The following HMGB1 variants were observed in gnomAD, a reference collection of about 807,000 sequenced individuals.
HMGB1 encodes the protein high mobility group protein B1.
For missense variants in HMGB1, 79 were observed against 253.5 expected (o/e 0.31, Z 4.67); for synonymous variants, 81 against 84.0 (o/e 0.96, Z 0.19).
At chr13:30,513,555 A>G (rs1888037998) in intron 1 of HMGB1, among the ~76,000 whole-genome samples, 1 of 152,254 alleles carries the variant, frequency 6.6e-6, no homozygotes, top group South Asian at 2.1e-4. Context: ...ATTCCAGAGC[A>G]CTGAGATTCC....
At chr13:30,616,282 TTTC>T (rs1950561331) in intron 1 of HMGB1, among the ~76,000 whole-genome samples, 1 of 152,224 alleles carries the variant, frequency 6.6e-6, no homozygotes, top group Non-Finnish European at 1.5e-5. Flanking sequence ...GTTACTAATT[TTTC>T]TTCTGAAAAA....
intron 1 of HMGB1, among the ~76,000 whole-genome samples, chr13:30,530,569 T>C (rs748879579): frequency 1.3e-4 from 20 of 152,118 alleles, no homozygotes; most frequent in Non-Finnish European, 2.5e-4. Context: ...TGCAAATATA[T>C]AGGTAAAAGT....
intron 1 of HMGB1, among the ~76,000 whole-genome samples, chr13:30,497,918 C>T (rs1044641912): frequency 1.3e-5 from 2 of 152,044 alleles, no homozygotes; most frequent in African/African-American, 2.4e-5. Context: ...AATGAACATA[C>T]GCATGTGTGT....
At chr13:30,554,400 T>C in intron 1 of HMGB1, 1 of 826,186 alleles carries the variant, frequency 1.2e-6, no homozygotes, top group Non-Finnish European at 2.1e-6. Flanking sequence ...TATATTAACA[T>C]TAAACAAGTG....
At chr13:30,493,064 T>A (rs900899714) in intron 1 of HMGB1, among the ~76,000 whole-genome samples, 2 of 150,086 alleles carry the variant, frequency 1.3e-5, no homozygotes, top group African/African-American at 2.4e-5. Flanking sequence ...TGCCTCTGGG[T>A]ACTCAGCCAG....
intron 1 of HMGB1, among the ~76,000 whole-genome samples, chr13:30,476,991 A>C (rs552247700): frequency 1.3e-5 from 2 of 152,334 alleles, no homozygotes; most frequent in African/African-American, 4.8e-5. Context: ...CCAAGGTCAC[A>C]CAGCTAGTTA....
rs1398970833 is a variant in HMGB1, at chr13:30,578,442, G to A, written c.-15+38229C>T. On this transcript the variant is annotated intron_variant, in intron 1 of 4. Coordinates refer to the HMGB1 transcript ENST00000405805. Reference sequence around the variant, plus strand: ...TGCTATATGGTAAATGTCAGTAAATGTTCCACAAACTGAATGGAATTGAGC... The same window carrying A: ...TGCTATATGGTAAATGTCAGTAAATATTCCACAAACTGAATGGAATTGAGC... 1.6e-4 allele frequency among the ~76,000 whole-genome samples: 18 copies of A among 114,424 alleles called. No homozygotes were observed. In the Admixed American group the frequency reaches 2.3e-3, roughly 14 times the overall value. 75.1% of individuals were successfully genotyped at this position (114,424 alleles called of 152,430 possible). A position where few individuals can be genotyped will look rare whatever the true frequency, so the allele number is the denominator to read the frequency against.
chr13:30,468,886 T>TTTGTTG (rs1036446347), upstream of HMGB1, among the ~76,000 whole-genome samples: 1 of 152,116 alleles, frequency 6.6e-6, no homozygotes, highest in Non-Finnish European at 1.5e-5. Context: ...TTATTGGGTT[T>TTTGTTG]TTGTTGTTGT....
intron 1 of HMGB1, among the ~76,000 whole-genome samples, chr13:30,565,652 T>A (rs1243394911): frequency 6.6e-6 from 1 of 152,238 alleles, no homozygotes; most frequent in Non-Finnish European, 1.5e-5. Context: ...TGGGTCTGCA[T>A]GTCTGATATG....
chr13:30,467,561 A>C (rs997400211), upstream of HMGB1, among the ~76,000 whole-genome samples: 12 of 152,262 alleles, frequency 7.9e-5, no homozygotes, highest in Non-Finnish European at 1.6e-4. Flanking sequence ...CTGCACATGC[A>C]GTGTTTAAAG....
At chr13:30,554,344 C>T in intron 1 of HMGB1, 1 of 882,222 alleles carries the variant, frequency 1.1e-6, no homozygotes, top group East Asian at 2.4e-5. Flanking sequence ...GCACGGGCAC[C>T]TTCTCTCTGG....
At chr13:30,463,836 T>C in intron 1 of HMGB1, 142 bp from the exon 2 acceptor site, 1 of 602,866 alleles carries the variant, frequency 1.7e-6, no homozygotes, top group Non-Finnish European at 2.8e-6. Flanking sequence ...CAGACAAGAA[T>C]ATGGCCGAGA....
chr13:30,497,226 G>A (rs548172669), intron 1 of HMGB1, among the ~76,000 whole-genome samples: 7 of 152,086 alleles, frequency 4.6e-5, no homozygotes, highest in East Asian at 1.9e-4. Context: ...TGATTATGCC[G>A]CACTCATTCC....
At chr13:30,514,966 T>G (rs1888071127) in intron 1 of HMGB1, among the ~76,000 whole-genome samples, 1 of 152,198 alleles carries the variant, frequency 6.6e-6, no homozygotes, top group Non-Finnish European at 1.5e-5. Flanking sequence ...GAGAGTTGAC[T>G]CCCATGATTA....
chr13:30,586,197 G>T (rs375298093), intron 1 of HMGB1, among the ~76,000 whole-genome samples: 5 of 152,132 alleles, frequency 3.3e-5, no homozygotes, highest in African/African-American at 1.2e-4. Context: ...TGGGACTACA[G>T]GCATGCACAG....
chr13:30,572,210 A>G, intron 1 of HMGB1, among the ~76,000 whole-genome samples: 1 of 152,234 alleles, frequency 6.6e-6, no homozygotes, highest in East Asian at 1.9e-4. Flanking sequence ...AAATGCTCAA[A>G]GTAGGAAATA....
At chr13:30,523,895 C>G (rs368677528) in intron 1 of HMGB1, among the ~76,000 whole-genome samples, 4 of 152,068 alleles carry the variant, frequency 2.6e-5, no homozygotes, top group African/African-American at 9.7e-5. Context: ...AGAGTGCCAC[C>G]ATTCCCCCAC....
At chr13:30,496,783 T>A (rs1887618008) in intron 1 of HMGB1, among the ~76,000 whole-genome samples, 1 of 152,172 alleles carries the variant, frequency 6.6e-6, no homozygotes, top group Non-Finnish European at 1.5e-5. Flanking sequence ...CTCAGTTGAA[T>A]GTGTTTTGGG....
intron 1 of HMGB1, among the ~76,000 whole-genome samples, chr13:30,497,464 C>G (rs1305310534): frequency 8.0e-6 from 1 of 125,210 alleles, no homozygotes; most frequent in Non-Finnish European, 1.8e-5. Flanking sequence ...TTTTAACTTT[C>G]ATTTTAGGTT....
Sources: allele counts gnomAD v4.1 joint callset (sites outside exome capture counted in the v4.1 genomes callset), GRCh38; gene constraint gnomAD v4.1.1; transcripts MANE v1.5; gene names NCBI Gene and HGNC (gene_info 2026-07-23, HGNC 2026-07-21).